Variants in RBM4 observed in about 807,000 individuals in gnomAD.
The protein encoded by RBM4 is RNA-binding protein 4.
In RBM4, 7 loss-of-function variants were observed where a neutral mutation model predicts 29.5. The observed-to-expected ratio is 0.24, with a 90% CI of 0.14 to 0.45. RBM4 has a LOEUF of 0.45. Ranked by LOEUF, RBM4 falls within the 20% of genes least tolerant of loss-of-function variation. The probability of loss-of-function intolerance (pLI) is 1.00; values close to 1 mark genes in which losing one functional copy is unlikely to be tolerated. For synonymous variants in RBM4, 220 were observed against 205.4 expected (o/e 1.07, Z -0.61); for missense variants, 387 against 502.3 (o/e 0.77, Z 2.19).
downstream of RBM4, among the ~76,000 whole-genome samples, chr11:66,646,948 A>G (rs774227973): frequency 2.0e-5 from 3 of 152,200 alleles, no homozygotes; most frequent in Non-Finnish European, 4.4e-5. Flanking sequence ...GCCTTTCACC[A>G]TCTATTTGTT....
At chr11:66,642,066 C>T (rs1938490906) in intron 2 of RBM4, among the ~76,000 whole-genome samples, 1 of 152,208 alleles carries the variant, frequency 6.6e-6, no homozygotes, top group African/African-American at 2.4e-5. Context: ...CACTTTAAGG[C>T]ACTTAAGTGC....
chr11:66,646,473 A>G (rs576730263), downstream of RBM4: 12 of 998,546 alleles, frequency 1.2e-5, no homozygotes, highest in South Asian at 3.2e-4. Context: ...AACTTAGGGT[A>G]TGTGTGCTTT....
rs1441268620 is a variant in RBM4 at position 66,644,441 on chromosome 11, ATTGAACCTT to A, written c.*8+302_*8+310del. On this transcript the variant is annotated intron_variant, in intron 3 of 3. Coordinates refer to ENST00000310092, the MANE Select transcript of RBM4 (RefSeq NM_002896.4). ...TGGGTCACCTATGTACTATACTATA[ATTGAACCTT>A]ACCTGGGGACCCACACGTTCAGGCT... The A allele has an allele frequency of 2.6e-5, 7 of 274,092 alleles. No individual in the cohort carries two copies. The East Asian group carries it at 5.8e-4, about 23-fold the overall frequency. 17.0% of individuals were successfully genotyped at this position (274,092 alleles called of 1,614,324 possible).
chr11:66,649,821 C>G, downstream of RBM4: 1 of 693,446 alleles, frequency 1.4e-6, no homozygotes, highest in Non-Finnish European at 2.6e-6. Flanking sequence ...AAGGGATCCT[C>G]CCGCCTTGGC....
rs1054466167 is a variant in RBM4, at chr11:66,646,140, C to A, written c.*122C>A. 1.3e-6 allele frequency: 2 copies of A among 1,530,532 alleles called. No individual in the cohort carries two copies. The highest frequency in any genetic ancestry group is 1.7e-6 in the Non-Finnish European group (2 of 1,144,168). The allele number at this position is 1,530,532 out of a possible 1,614,324, so 94.8% of individuals were successfully genotyped here. A position where few individuals can be genotyped will look rare whatever the true frequency, so the allele number is the denominator to read the frequency against. On this transcript the variant is annotated 3_prime_UTR_variant, in exon 4 of 4. Coordinates refer to ENST00000310092, the MANE Select transcript of RBM4 (RefSeq NM_002896.4). ...TCTGTGCGTTCAGTCCCTCAGGAAC[C>A]GTGGACCTTAATTTACCTTGCTAAG...
intron 2 of RBM4, among the ~76,000 whole-genome samples, chr11:66,661,850 T>C (rs1233243540): frequency 6.6e-6 from 1 of 152,062 alleles, no homozygotes; most frequent in Non-Finnish European, 1.5e-5. Flanking sequence ...ACCAATATGG[T>C]GAAACCCCAT....
chr11:66,641,329 T>G (rs1938453833), intron 2 of RBM4: 1 of 152,212 alleles, frequency 6.6e-6, no homozygotes, highest in Non-Finnish European at 1.5e-5. Flanking sequence ...ATTGGGCTTT[T>G]TTAGAGCTGA....
intron 2 of RBM4, chr11:66,665,018 A>T (rs1253090296): frequency 6.6e-6 from 1 of 152,472 alleles, no homozygotes; most frequent in East Asian, 1.9e-4. Context: ...AGAAACATTT[A>T]TTTGTCAAAA....
chr11:66,665,844 T>G (rs1482246488), intron 2 of RBM4: 2 of 1,521,660 alleles, frequency 1.3e-6, no homozygotes, highest in Admixed American at 4.0e-5. Context: ...ATCTTTCTTA[T>G]CCATCTTTTA....
At chr11:66,645,754 A>G (rs528202591) in intron 3 of RBM4, among the ~76,000 whole-genome samples, 6 of 152,164 alleles carry the variant, frequency 3.9e-5, no homozygotes, top group African/African-American at 1.4e-4. Context: ...TGTTAACATC[A>G]TCAAGAGCAA....
chr11:66,663,281 A>G (rs1233384233), intron 2 of RBM4, among the ~76,000 whole-genome samples: 1 of 152,236 alleles, frequency 6.6e-6, no homozygotes, highest in Admixed American at 6.5e-5. Context: ...AGTACTATGT[A>G]TGAATATTTT....
At chr11:66,644,334 A>G (rs1366092397) in intron 3 of RBM4, 194 bp downstream of exon 3, 10 of 740,044 alleles carry the variant, frequency 1.4e-5, no homozygotes, top group Non-Finnish European at 1.8e-5. Flanking sequence ...CCTCATGGCT[A>G]TTTTTCAGGG....
intron 2 of RBM4, among the ~76,000 whole-genome samples, chr11:66,641,985 G>A (rs1383388790): frequency 6.6e-6 from 1 of 152,154 alleles, no homozygotes; most frequent in Admixed American, 6.5e-5. Context: ...TGCTTGCTTA[G>A]TTGCACTTGT....
At chr11:66,644,742 T>G in intron 3 of RBM4, 8 of 937,190 alleles carry the variant, frequency 8.5e-6, no homozygotes, top group Non-Finnish European at 8.9e-6. Flanking sequence ...ACTTATTTGA[T>G]GGTAAGTTGG....
chr11:66,646,513 G>A (rs2135072879), downstream of RBM4: 1 of 989,468 alleles, frequency 1.0e-6, no homozygotes, highest in South Asian at 4.6e-5. Flanking sequence ...CTTGTTTGGG[G>A]GTTCATTTGT....
chr11:66,660,593 C>T (rs987335293), intron 2 of RBM4, among the ~76,000 whole-genome samples: 1 of 151,360 alleles, frequency 6.6e-6, no homozygotes, highest in Non-Finnish European at 1.5e-5. Flanking sequence ...CCTTCTACCT[C>T]GGCTCCCAAA....
At chr11:66,661,548 C>T (rs1356970620) in intron 2 of RBM4, among the ~76,000 whole-genome samples, 1 of 152,160 alleles carries the variant, frequency 6.6e-6, no homozygotes, top group African/African-American at 2.4e-5. Flanking sequence ...ACATATGCCT[C>T]ATTCATCACC....
chr11:66,665,342 T>C (rs1939186577), intron 2 of RBM4: 2 of 561,996 alleles, frequency 3.6e-6, no homozygotes, highest in African/African-American at 3.8e-5. Context: ...GCATAATCCT[T>C]ACCTAGGGCT....
chr11:66,644,308 CAT>C (rs1266883446), intron 3 of RBM4, 168 bp downstream of exon 3: 1 of 957,520 alleles, frequency 1.0e-6, no homozygotes, highest in African/African-American at 1.7e-5. Flanking sequence ...CTTTAAAATA[CAT>C]AGAGTTCCTT....
Sources: allele counts gnomAD v4.1 joint callset (sites outside exome capture counted in the v4.1 genomes callset), GRCh38; gene constraint gnomAD v4.1.1; transcripts MANE v1.5; gene names NCBI Gene and HGNC (gene_info 2026-07-23, HGNC 2026-07-21).